Variants in RANBP2 observed in about 807,000 individuals in gnomAD.
RANBP2 encodes RAN binding protein 2.
RANBP2 carries 57 observed loss-of-function variants against 303.6 expected under a neutral mutation model. That is an observed-to-expected ratio of 0.19 (90% CI 0.15 to 0.23). The LOEUF (loss-of-function observed/expected upper bound fraction) is 0.23, where lower values mean the gene tolerates loss of function less well. Ranked by LOEUF, RANBP2 falls within the 10% of genes least tolerant of loss-of-function variation. RANBP2 has a pLI of 1.00. For missense variants in RANBP2, 3,138 were observed against 3,780.8 expected (o/e 0.83, Z 4.46); for synonymous variants, 1,167 against 1,301.5 (o/e 0.90, Z 2.23).
At chr2:109,109,375 G>C in the RANBP2 span, among the ~76,000 whole-genome samples, 2 of 152,192 alleles carry the variant, frequency 1.3e-5, no homozygotes, top group African/African-American at 2.4e-5. Context: ...AGCCGACCTG[G>C]GGAGACTCAG....
the RANBP2 span, among the ~76,000 whole-genome samples, chr2:108,805,193 T>C: frequency 6.6e-6 from 1 of 152,230 alleles, no homozygotes; most frequent in Non-Finnish European, 1.5e-5. Flanking sequence ...GTCTCTTCTC[T>C]TTATTTGTTC....
the RANBP2 span, chr2:109,614,789 CGCCGAGCCCGAGGCCCCCGACGGCCCT>C: frequency 4.1e-6 from 6 of 1,474,232 alleles, no homozygotes; most frequent in Non-Finnish European, 4.5e-6. Context: ...TCCAGGTGAC[CGCCGAGCCCGAGGCCCCCGACGGCCCT>C]GCCGGGCCCG....
chr2:109,105,705 C>A, the RANBP2 span, among the ~76,000 whole-genome samples: 1 of 151,978 alleles, frequency 6.6e-6, no homozygotes, highest in East Asian at 1.9e-4. Context: ...CAGGCATGCG[C>A]CACCACGCCC....
chr2:109,025,755 G>A, the RANBP2 span, among the ~76,000 whole-genome samples: 4 of 149,514 alleles, frequency 2.7e-5, no homozygotes, highest in African/African-American at 7.4e-5. Context: ...CCGAGATCAC[G>A]CCACTGCACT....
At chr2:109,512,130 G>T in the RANBP2 span, among the ~76,000 whole-genome samples, 1 of 152,142 alleles carries the variant, frequency 6.6e-6, no homozygotes, top group Non-Finnish European at 1.5e-5. Flanking sequence ...AACACTTTTA[G>T]GGGGCTTGTC....
chr2:109,765,385 TC>T, the RANBP2 span, among the ~76,000 whole-genome samples: 1 of 150,522 alleles, frequency 6.6e-6, no homozygotes, highest in African/African-American at 2.4e-5. Flanking sequence ...TCTTTCTCTT[TC>T]TTTTTTTTAA....
At chr2:109,019,225 A>C in the RANBP2 span, among the ~76,000 whole-genome samples, 5 of 152,200 alleles carry the variant, frequency 3.3e-5, no homozygotes. Flanking sequence ...TGCCTGAATC[A>C]GGCTTGGTTT....
chr2:109,635,270 C>T, the RANBP2 span, among the ~76,000 whole-genome samples: 3 of 152,172 alleles, frequency 2.0e-5, no homozygotes, highest in African/African-American at 7.2e-5. Flanking sequence ...GCAACCTCTG[C>T]CTCCCAGGTT....
chr2:109,019,318 G>C, the RANBP2 span, among the ~76,000 whole-genome samples: 1 of 152,244 alleles, frequency 6.6e-6, no homozygotes, highest in Non-Finnish European at 1.5e-5. Flanking sequence ...GTCGGGTGTG[G>C]TGTGCTGAGC....
the RANBP2 span, among the ~76,000 whole-genome samples, chr2:109,010,860 A>G: frequency 6.6e-6 from 1 of 152,226 alleles, no homozygotes; most frequent in East Asian, 1.9e-4. Flanking sequence ...GAGGAGGCTC[A>G]GCAGCAGCTG....
chr2:109,036,295 C>CT, the RANBP2 span, among the ~76,000 whole-genome samples: 1 of 152,142 alleles, frequency 6.6e-6, no homozygotes, highest in Non-Finnish European at 1.5e-5. Context: ...TTTACACACT[C>CT]TATCTCAGAA....
chr2:109,307,422 T>TA, the RANBP2 span, among the ~76,000 whole-genome samples: 2 of 126,658 alleles, frequency 1.6e-5, no homozygotes, highest in Non-Finnish European at 3.2e-5. Flanking sequence ...TAAGATGCAC[T>TA]TTTTTTTTTT....
chr2:108,829,204 G>A, the RANBP2 span, among the ~76,000 whole-genome samples: 2 of 152,202 alleles, frequency 1.3e-5, no homozygotes, highest in Admixed American at 1.3e-4. Context: ...TCTCCAGAAT[G>A]GGAGGAAATA....
the RANBP2 span, among the ~76,000 whole-genome samples, chr2:108,940,868 C>G: frequency 1.3e-5 from 2 of 152,196 alleles, no homozygotes; most frequent in African/African-American, 4.8e-5. Flanking sequence ...AGTTTTAAAA[C>G]TAATCACGTT....
the RANBP2 span, among the ~76,000 whole-genome samples, chr2:109,133,152 T>C: frequency 6.6e-6 from 1 of 152,330 alleles, no homozygotes; most frequent in Non-Finnish European, 1.5e-5. Context: ...CACTGACCGG[T>C]GTCACTCCAG....
At chr2:109,230,415 A>G in the RANBP2 span, among the ~76,000 whole-genome samples, 3 of 139,930 alleles carry the variant, frequency 2.1e-5, no homozygotes, top group African/African-American at 7.8e-5. Context: ...CATCTTTACT[A>G]AAAAAAATGG....
intron 28 of RANBP2, among the ~76,000 whole-genome samples, chr2:108,783,247 G>A (rs537583163): frequency 1.9e-4 from 29 of 149,842 alleles, no homozygotes; most frequent in Non-Finnish European, 4.0e-4. Context: ...AGCTGAGGTG[G>A]GAGCATCCAG....
chr2:108,915,974 G>A, the RANBP2 span, among the ~76,000 whole-genome samples: 1 of 152,070 alleles, frequency 6.6e-6, no homozygotes, highest in Non-Finnish European at 1.5e-5. Flanking sequence ...AAAGCCACAA[G>A]CCCATGTCAA....
At chr2:108,777,364 A>C in intron 25 of RANBP2, 133 bp downstream of exon 25, 1 of 538,254 alleles carries the variant, frequency 1.9e-6, no homozygotes, top group Non-Finnish European at 3.1e-6. Context: ...TTAGTGTTTT[A>C]ATAATGAAGG....
Sources: allele counts gnomAD v4.1 joint callset (sites outside exome capture counted in the v4.1 genomes callset), GRCh38; gene constraint gnomAD v4.1.1; transcripts MANE v1.5; gene names NCBI Gene and HGNC (gene_info 2026-07-23, HGNC 2026-07-21).